FAM135A: variants seen among roughly 807,000 people sequenced by gnomAD.
FAM135A encodes protein FAM135A.
Under a neutral mutation model 146.8 loss-of-function variants are expected in FAM135A, and 79 were observed. The observed-to-expected ratio is 0.54, with a 90% CI of 0.45 to 0.65. The LOEUF (loss-of-function observed/expected upper bound fraction) is 0.65. Among genes scored for constraint, FAM135A ranks in the 30% least tolerant of loss-of-function variants. FAM135A has a pLI of 0.00. For missense variants in FAM135A, 1,623 were observed against 1,758.2 expected (o/e 0.92, Z 1.38); for synonymous variants, 562 against 603.6 (o/e 0.93, Z 1.01).
chr6:70,434,793 C>T (rs1020853988), intron 4 of FAM135A, among the ~76,000 whole-genome samples: 1 of 152,028 alleles, frequency 6.6e-6, no homozygotes, highest in Non-Finnish European at 1.5e-5. Context: ...TTCCACATAT[C>T]GTTGGAACAG....
intron 5 of FAM135A, among the ~76,000 whole-genome samples, chr6:70,471,846 A>G (rs983494184): frequency 2.6e-5 from 4 of 152,304 alleles, no homozygotes; most frequent in Admixed American, 2.6e-4. Flanking sequence ...AAGAACGCTT[A>G]AAAAGAGGAG....
rs901908119 is a variant in FAM135A at position 70,491,714 on chromosome 6, C to T, written c.873+631C>T. ...TATTCTCCTTAGAAAATTATACATA[C>T]GCAGGATACATCAGTTTTGTATACT... On this transcript the variant is annotated intron_variant, in intron 11 of 21. Coordinates refer to ENST00000418814, the MANE Select transcript of FAM135A (RefSeq NM_001162529.3). Among the ~76,000 whole-genome samples, 13 of 151,828 alleles carry T rather than the reference C, an allele frequency of 8.6e-5. No individual in the cohort carries two copies. In the East Asian group the frequency reaches 9.6e-4, roughly 11 times the overall value.
At position 70,465,182 on chromosome 6, in the gene FAM135A, T is replaced by C. The variant is rs145305804; in HGVS notation, c.158-10228T>C. Among the ~76,000 whole-genome samples the C allele has an allele frequency of 7.9e-5, 12 of 151,674 alleles. No homozygotes were observed. The East Asian group carries it at 2.3e-3, about 29-fold the overall frequency. On this transcript the variant is annotated intron_variant, in intron 5 of 21. Transcript: ENST00000418814. The stretch of plus-strand genomic sequence containing the variant: ...CACTTAGCATAATGTCCTTAAGGTT[T>C]TTCCATGTTGTAGCTATGACAGGAT...
intron 12 of FAM135A, among the ~76,000 whole-genome samples, chr6:70,521,956 G>A (rs546895271): frequency 1.3e-4 from 19 of 151,868 alleles, no homozygotes; most frequent in Admixed American, 7.2e-4. Context: ...CACTCTTGTC[G>A]CCCAGGCTGG....
rs1266120866 is a variant in FAM135A at position 70,559,717 on chromosome 6, A to G, written c.4344A>G (p.Gly1448=). ...TCCTTTTTTCTGTTGGTTCCATAGGACAGATCTATTCAGAAATGATCCACA... is the reference window on the plus strand; with the variant it reads ...TCCTTTTTTCTGTTGGTTCCATAGGGCAGATCTATTCAGAAATGATCCACA... ...CKTALKDKQS[G]QIYSEMIHNL... The change falls in exon 22 of 22, where the codon GGA becomes GGG. Residue 1448 remains glycine (G), a splice_region_variant and synonymous_variant. Coordinates refer to ENST00000418814, the MANE Select transcript of FAM135A (RefSeq NM_001162529.3). 6.2e-7 allele frequency: 1 copy of G among 1,613,442 alleles called. No individual in the cohort carries two copies. The highest frequency in any genetic ancestry group is 1.7e-5 in the Admixed American group (1 of 59,970).
chr6:70,419,797 A>G (rs776571647), intron 2 of FAM135A, among the ~76,000 whole-genome samples: 14 of 152,172 alleles, frequency 9.2e-5, no homozygotes, highest in Non-Finnish European at 1.6e-4. Context: ...TGAACATTTC[A>G]AAGTATGTAT....
chr6:70,557,739 A>G (rs1320047049), intron 21 of FAM135A: 1 of 150,494 alleles, frequency 6.6e-6, no homozygotes, highest in East Asian at 1.9e-4. Flanking sequence ...CTACCTCTCA[A>G]TATTGCCTCA....
In FAM135A at chr6:70,525,341, A is replaced by G; in HGVS notation, c.2257A>G (p.Ile753Val). 6.2e-7 allele frequency: 1 copy of G among 1,613,298 alleles called. No homozygotes were observed. Among genetic ancestry groups the G allele is most frequent in the East Asian group, 2.2e-5 (1 of 44,864 alleles). Residue 753 changes from isoleucine (I) to valine (V), a missense_variant, in exon 15 of 22, where the codon ATT becomes GTT. Around this residue, in one of 7 missense-constraint regions of FAM135A, gnomAD observed 1,061 missense variants for 1,113.8 expected, o/e 0.95. Transcript: ENST00000418814. ...TCATGTTGTAGTAAGTGGAGATACA[A>G]TTAAGTTACCAGATATTAGTGCCAC... ...EYHVVVSGDT[I>V]KLPDISATYA...
At chr6:70,489,778 C>T (rs55761717) in intron 10 of FAM135A, among the ~76,000 whole-genome samples, 19,819 of 152,064 alleles carry the variant, frequency 0.13, 1,535 homozygotes, top group Middle Eastern at 0.19. Flanking sequence ...TTGCTTGTCT[C>T]GTTAGCATTT....
intron 20 of FAM135A, among the ~76,000 whole-genome samples, chr6:70,553,695 T>TTAA (rs199625074): frequency 8.5e-6 from 1 of 117,168 alleles, no homozygotes; most frequent in Non-Finnish European, 2.1e-5. Context: ...ATCTTTTTTT[T>TTAA]AAAAAGAAGC....
chr6:70,557,343 C>G (rs555255963), intron 21 of FAM135A: 1 of 164,786 alleles, frequency 6.1e-6, no homozygotes, highest in African/African-American at 2.4e-5. Context: ...CATTTTATAA[C>G]TAAAGCCCAG....
chr6:70,522,408 G>C, intron 12 of FAM135A, 105 bp from the exon 13 acceptor site: 2 of 852,202 alleles, frequency 2.3e-6, no homozygotes, highest in Middle Eastern at 4.6e-4. Flanking sequence ...TCTGACGGGT[G>C]ATTGTGGAAG....
chr6:70,549,550 AG>A, intron 20 of FAM135A, among the ~76,000 whole-genome samples: 1 of 152,222 alleles, frequency 6.6e-6, no homozygotes, highest in Non-Finnish European at 1.5e-5. Flanking sequence ...TTGGTTTCCC[AG>A]GGCATATAAA....
At chr6:70,502,396 GACAT>G (rs1195931929) in intron 11 of FAM135A, among the ~76,000 whole-genome samples, 1 of 152,084 alleles carries the variant, frequency 6.6e-6, no homozygotes, top group Non-Finnish European at 1.5e-5. Flanking sequence ...CAGTTAACAA[GACAT>G]CTTAGATATT....
At chr6:70,463,395 C>T (rs1051875251) in intron 5 of FAM135A, among the ~76,000 whole-genome samples, 11 of 149,864 alleles carry the variant, frequency 7.3e-5, no homozygotes, top group Admixed American at 4.0e-4. Flanking sequence ...GGACTACAGG[C>T]GCATGCCACC....
intron 5 of FAM135A, among the ~76,000 whole-genome samples, chr6:70,472,560 C>T (rs996206694): frequency 1.3e-5 from 2 of 152,160 alleles, no homozygotes; most frequent in African/African-American, 2.4e-5. Flanking sequence ...AACACTGACA[C>T]GTTACTGTCG....
rs138205700 is a variant in FAM135A at position 70,484,622 on chromosome 6, C to G, written c.823+2468C>G. ...GATCATGAGGCATTAGTTAGATTCT[C>G]ATAAGGAGCATGCAACCTAGATCCC... On this transcript the variant is annotated intron_variant, in intron 10 of 21. Coordinates refer to ENST00000418814, the MANE Select transcript of FAM135A (RefSeq NM_001162529.3). Among the ~76,000 whole-genome samples, 94 of 152,278 alleles carry G rather than the reference C, an allele frequency of 6.2e-4. No homozygotes were observed. The East Asian group carries it at 0.016, about 26-fold the overall frequency.
intron 20 of FAM135A, among the ~76,000 whole-genome samples, chr6:70,552,898 CTGT>C (rs1305922789): frequency 2.8e-4 from 43 of 152,270 alleles, no homozygotes; most frequent in Middle Eastern, 6.8e-3. Flanking sequence ...AAAATCAAAT[CTGT>C]TGTTAGCCAG....
chr6:70,524,956 T>C lies in FAM135A; in HGVS notation c.1872T>C (p.Asp624=). Residue 624 remains aspartate, a synonymous_variant, in exon 15 of 22, where the codon GAT becomes GAC. Coordinates refer to ENST00000418814, the MANE Select transcript of FAM135A (RefSeq NM_001162529.3). The part of the protein sequence containing the change: ...ISGKLDISQD[D]SEITQMEHNL... ...GTAAACTTGATATCTCCCAGGACGA[T>C]AGTGAAATTACACAAATGGAACACA... is the stretch of plus-strand genomic sequence containing the variant. The C allele has an allele frequency of 6.2e-7, 1 of 1,605,894 alleles. No individual in the cohort carries two copies.
Sources: gnomAD v4.1 joint callset for allele counts (sites outside exome capture counted in the v4.1 genomes callset) on GRCh38, gnomAD v4.1.1 for gene constraint, gnomAD v4.1.1 regional missense constraint, MANE v1.5 for transcripts, NCBI Gene and HGNC (gene_info 2026-07-23, HGNC 2026-07-21) for gene names.